PDE4D: variants seen among roughly 807,000 people sequenced by gnomAD.
PDE4D encodes the protein 3',5'-cyclic-AMP phosphodiesterase 4D.
In PDE4D, 24 loss-of-function variants were observed where a neutral mutation model predicts 87.4. The observed-to-expected ratio is 0.27, with a 90% confidence interval of 0.20 to 0.39. The LOEUF (loss-of-function observed/expected upper bound fraction) is 0.39. PDE4D is among the 10% of genes least tolerant of loss of function. The pLI, the probability that PDE4D is intolerant of heterozygous loss-of-function variation, is 1.00. For synonymous variants in PDE4D, 384 were observed against 383.2 expected (o/e 1.00, Z -0.02); for missense variants, 714 against 1,041.0 (o/e 0.69, Z 4.32).
chr5:59,980,397 G>A (rs764229516), intron 3 of PDE4D, among the ~76,000 whole-genome samples: 2 of 152,168 alleles, frequency 1.3e-5, no homozygotes, highest in Non-Finnish European at 2.9e-5. Flanking sequence ...GCTTCCTTGG[G>A]TTTGCCTTAA....
At chr5:59,777,167 C>T (rs1764159168) in intron 1 of PDE4D, among the ~76,000 whole-genome samples, 1 of 152,172 alleles carries the variant, frequency 6.6e-6, no homozygotes, top group African/African-American at 2.4e-5. Context: ...AAACGGAATG[C>T]TTCCAGCAGA....
intron 2 of PDE4D, chr5:59,988,737 A>G: frequency 7.2e-7 from 1 of 1,395,392 alleles, no homozygotes; most frequent in Non-Finnish European, 1.0e-6. Flanking sequence ...TAATTCAAGA[A>G]AGTACATATA....
At chr5:60,238,893 T>G (rs1319135058) in intron 1 of PDE4D, among the ~76,000 whole-genome samples, 15 of 152,070 alleles carry the variant, frequency 9.9e-5, no homozygotes, top group Non-Finnish European at 2.1e-4. Context: ...TTTAACCCAC[T>G]TATGCCTGAG....
chr5:59,361,409 T>C (rs957113710), intron 1 of PDE4D, among the ~76,000 whole-genome samples: 1 of 152,190 alleles, frequency 6.6e-6, no homozygotes, highest in South Asian at 2.1e-4. Context: ...TGTCACTGAT[T>C]GTCTTGTTCA....
intron 2 of PDE4D, among the ~76,000 whole-genome samples, chr5:60,063,157 GGAAAGAA>G (rs1562044693): frequency 1.4e-3 from 131 of 95,470 alleles, no homozygotes; most frequent in Middle Eastern, 5.4e-3. Flanking sequence ...AAAGAAAGAA[GGAAAGAA>G]AGAAAGAAAA....
At chr5:60,119,906 T>C (rs1242401744) in intron 2 of PDE4D, among the ~76,000 whole-genome samples, 1 of 152,208 alleles carries the variant, frequency 6.6e-6, no homozygotes, top group African/African-American at 2.4e-5. Context: ...AGTATATACA[T>C]GGGACCTGAA....
At chr5:60,179,683 C>T (rs1011083698) in intron 2 of PDE4D, among the ~76,000 whole-genome samples, 7 of 151,998 alleles carry the variant, frequency 4.6e-5, no homozygotes, top group South Asian at 4.1e-4. Context: ...TCCAGTTCTG[C>T]CCTTGAAAGT....
At chr5:59,910,258 C>T (rs1022151939) in intron 3 of PDE4D, among the ~76,000 whole-genome samples, 3 of 152,058 alleles carry the variant, frequency 2.0e-5, no homozygotes, top group African/African-American at 7.2e-5. Flanking sequence ...TTTTTGTATT[C>T]AACTATTCTC....
chr5:59,605,276 AT>A (rs1192581320), intron 1 of PDE4D, among the ~76,000 whole-genome samples: 7 of 152,128 alleles, frequency 4.6e-5, no homozygotes, highest in African/African-American at 1.7e-4. Context: ...ATTTTTTTCT[AT>A]CCATTGGAAA....
intron 2 of PDE4D, among the ~76,000 whole-genome samples, chr5:59,203,823 T>C (rs980464816): frequency 6.6e-6 from 1 of 151,968 alleles, no homozygotes; most frequent in African/African-American, 2.4e-5. Flanking sequence ...AGTAGAACAG[T>C]TGTTCCCAGG....
chr5:60,258,301 A>G (rs1749307298), intron 1 of PDE4D, among the ~76,000 whole-genome samples: 1 of 152,030 alleles, frequency 6.6e-6, no homozygotes, highest in South Asian at 2.1e-4. Flanking sequence ...AATAAGAAAA[A>G]TAAATAGAAA....
At chr5:59,304,130 G>A (rs528960112) in intron 1 of PDE4D, among the ~76,000 whole-genome samples, 2 of 151,936 alleles carry the variant, frequency 1.3e-5, no homozygotes, top group Non-Finnish European at 2.9e-5. Flanking sequence ...ATATTCTTAA[G>A]TATTTTATTT....
At chr5:59,543,488 T>G (rs1413311213) in intron 1 of PDE4D, among the ~76,000 whole-genome samples, 1 of 151,622 alleles carries the variant, frequency 6.6e-6, no homozygotes, top group Admixed American at 6.6e-5. Context: ...GCAAAAAGAG[T>G]CTTATTAAGA....
At chr5:60,202,656 A>G (rs544009659) in intron 1 of PDE4D, among the ~76,000 whole-genome samples, 8 of 152,108 alleles carry the variant, frequency 5.3e-5, no homozygotes, top group Non-Finnish European at 1.2e-4. Context: ...TGAATTTACA[A>G]AAAAGGATAA....
At chr5:59,172,469 C>A (rs1016473054) in intron 5 of PDE4D, among the ~76,000 whole-genome samples, 1 of 147,694 alleles carries the variant, frequency 6.8e-6, no homozygotes. Context: ...CCAAGGTGGG[C>A]AGATTGCTTG....
chr5:59,065,067 TACACACACACACACACACACACACACAC>T (rs10563874), intron 5 of PDE4D, among the ~76,000 whole-genome samples: 8 of 89,234 alleles, frequency 9.0e-5, no homozygotes, highest in East Asian at 4.8e-4. Flanking sequence ...GATATATATA[TACACACACACACACACACACACACACAC>T]ACACACACAC....
chr5:59,474,475 T>G (rs1802971243), intron 1 of PDE4D, among the ~76,000 whole-genome samples: 1 of 152,112 alleles, frequency 6.6e-6, no homozygotes. Context: ...GTATCCTACA[T>G]GAACATGGGA....
At chr5:60,061,914 C>T (rs10070511) in intron 2 of PDE4D, among the ~76,000 whole-genome samples, 74,247 of 151,932 alleles carry the variant, frequency 0.49, 18,867 homozygotes, top group Admixed American at 0.55. Context: ...CAAAAATCAA[C>T]TCAAGATGGA....
At chr5:59,686,311 G>T (rs1749849900) in intron 1 of PDE4D, among the ~76,000 whole-genome samples, 1 of 152,106 alleles carries the variant, frequency 6.6e-6, no homozygotes, top group South Asian at 2.1e-4. Context: ...TGGACATGAG[G>T]TAAGTACTAT....
Sources: gnomAD v4.1 joint callset for allele counts (sites outside exome capture counted in the v4.1 genomes callset) on GRCh38, gnomAD v4.1.1 for gene constraint, MANE v1.5 for transcripts, NCBI Gene and HGNC (gene_info 2026-07-23, HGNC 2026-07-21) for gene names.